PPP2R2B: variants seen among roughly 807,000 people sequenced by gnomAD.
PPP2R2B encodes the protein protein phosphatase 2 regulatory subunit Bbeta.
Under a neutral mutation model 46.0 loss-of-function variants are expected in PPP2R2B, and 5 were observed. That is an observed-to-expected ratio of 0.11 (90% confidence interval 0.06 to 0.23). PPP2R2B has a LOEUF of 0.23. Among genes scored for constraint, PPP2R2B ranks in the 10% least tolerant of loss-of-function variants. The pLI, the probability that PPP2R2B is intolerant of heterozygous loss-of-function variation, is 1.00. For synonymous variants in PPP2R2B, 215 were observed against 206.7 expected (o/e 1.04, Z -0.34); for missense variants, 367 against 575.0 (o/e 0.64, Z 3.70).
intron 2 of PPP2R2B, among the ~76,000 whole-genome samples, chr5:146,716,950 G>C (rs1197649048): frequency 2.0e-5 from 3 of 152,114 alleles, no homozygotes; most frequent in African/African-American, 7.2e-5. Context: ...TTCTTTAGTA[G>C]AAAGCATCTT....
intron 5 of PPP2R2B, among the ~76,000 whole-genome samples, chr5:146,660,971 T>C (rs1776631231): frequency 6.6e-6 from 1 of 152,162 alleles, no homozygotes; most frequent in African/African-American, 2.4e-5. Flanking sequence ...TACAAAGAGA[T>C]GTATATTGTT....
intron 1 of PPP2R2B, among the ~76,000 whole-genome samples, chr5:147,011,372 C>T (rs1474626729): frequency 6.6e-6 from 1 of 152,076 alleles, no homozygotes; most frequent in Non-Finnish European, 1.5e-5. Context: ...AATTATCACC[C>T]TTTAACATGT....
At chr5:146,804,058 T>G (rs1178132380) in intron 2 of PPP2R2B, among the ~76,000 whole-genome samples, 4 of 151,918 alleles carry the variant, frequency 2.6e-5, no homozygotes, top group Non-Finnish European at 5.9e-5. Flanking sequence ...TCCCAGCTAC[T>G]TGGGAGGCTG....
chr5:146,770,971 A>G (rs942480899), intron 2 of PPP2R2B, among the ~76,000 whole-genome samples: 2 of 152,194 alleles, frequency 1.3e-5, no homozygotes, highest in South Asian at 2.1e-4. Flanking sequence ...ATCAGAATTT[A>G]CCTATGCATG....
chr5:146,842,469 T>G (rs1194278262), intron 2 of PPP2R2B, among the ~76,000 whole-genome samples: 1 of 147,472 alleles, frequency 6.8e-6, no homozygotes, highest in Non-Finnish European at 1.5e-5. Flanking sequence ...TTCAAAAAAA[T>G]ACCTCCATGC....
chr5:146,724,261 G>T (rs113716354), intron 2 of PPP2R2B, among the ~76,000 whole-genome samples: 1 of 151,676 alleles, frequency 6.6e-6, no homozygotes, highest in Non-Finnish European at 1.5e-5. Flanking sequence ...CAGTGTATTC[G>T]ATGGCCATCC....
chr5:146,702,319 C>T (rs1483360562), intron 2 of PPP2R2B, among the ~76,000 whole-genome samples: 1 of 152,162 alleles, frequency 6.6e-6, no homozygotes, highest in African/African-American at 2.4e-5. Flanking sequence ...TATGAAAAGG[C>T]TCCTTATGGT....
At chr5:146,626,666 A>G (rs1469693478) in intron 7 of PPP2R2B, among the ~76,000 whole-genome samples, 1 of 152,106 alleles carries the variant, frequency 6.6e-6, no homozygotes, top group African/African-American at 2.4e-5. Context: ...ACGACAGGTA[A>G]GTTGGCCTAA....
intron 2 of PPP2R2B, among the ~76,000 whole-genome samples, chr5:146,717,825 C>G (rs1022158278): frequency 4.6e-5 from 7 of 152,100 alleles, no homozygotes; most frequent in Non-Finnish European, 1.0e-4. Flanking sequence ...TTTGGGGAAA[C>G]ATGCTTTGCC....
rs146948919 is a variant in PPP2R2B, at chr5:146,797,723, G to T, written c.70+80279C>A. Reference sequence around the variant, plus strand: ...CTCCAAATTAATGGGGGACTCCTGAGAACCTAATTTTAAAACATTATCTCC... The same window carrying T: ...CTCCAAATTAATGGGGGACTCCTGATAACCTAATTTTAAAACATTATCTCC... On this transcript the variant is annotated intron_variant, in intron 2 of 9. Coordinates refer to ENST00000394411, the MANE Select transcript of PPP2R2B (RefSeq NM_181675.4). Among the ~76,000 whole-genome samples the T allele has an allele frequency of 2.2e-3, 335 of 152,290 alleles. 2 individuals are homozygous for T. The South Asian group carries it at 0.033, about 15-fold the overall frequency.
intron 7 of PPP2R2B, among the ~76,000 whole-genome samples, chr5:146,618,527 C>A (rs1773406822): frequency 6.6e-6 from 1 of 152,250 alleles, no homozygotes; most frequent in African/African-American, 2.4e-5. Flanking sequence ...CTATCCTCCT[C>A]CGTTTGTCAA....
chr5:146,941,510 C>T (rs6884353), intron 1 of PPP2R2B, among the ~76,000 whole-genome samples: 37,347 of 151,916 alleles, frequency 0.25, 5,026 homozygotes, highest in East Asian at 0.46. Flanking sequence ...GCTTCTGTTG[C>T]TTAGGGGTGT....
chr5:146,935,646 G>A (rs1332151526), intron 1 of PPP2R2B, among the ~76,000 whole-genome samples: 1 of 152,116 alleles, frequency 6.6e-6, no homozygotes, highest in Non-Finnish European at 1.5e-5. Flanking sequence ...CTGAAAGTGT[G>A]AGCCAGGTAA....
At chr5:146,686,312 C>A (rs1339235353) in intron 5 of PPP2R2B, among the ~76,000 whole-genome samples, 3 of 152,184 alleles carry the variant, frequency 2.0e-5, no homozygotes, top group Non-Finnish European at 4.4e-5. Context: ...TAGACAGTGA[C>A]AAGAGCTAAG....
At chr5:146,793,752 G>A (rs1463337136) in intron 2 of PPP2R2B, among the ~76,000 whole-genome samples, 1 of 152,170 alleles carries the variant, frequency 6.6e-6, no homozygotes, top group East Asian at 1.9e-4. Context: ...TTTAGGGTTA[G>A]AAATAACGAG....
intron 1 of PPP2R2B, among the ~76,000 whole-genome samples, chr5:146,900,523 C>CTCCTT (rs1287649707): frequency 2.0e-5 from 3 of 148,792 alleles, no homozygotes; most frequent in Non-Finnish European, 4.4e-5. Context: ...CCCTTTCTTT[C>CTCCTT]TCCTTTCCTT....
chr5:147,031,837 A>G (rs1415628382), intron 1 of PPP2R2B, among the ~76,000 whole-genome samples: 1 of 152,222 alleles, frequency 6.6e-6, no homozygotes, highest in Non-Finnish European at 1.5e-5. Flanking sequence ...ATAATTGCCT[A>G]GCCACATGTA....
intron 1 of PPP2R2B, among the ~76,000 whole-genome samples, chr5:147,046,420 A>G (rs1408067275): frequency 6.6e-6 from 1 of 152,160 alleles, no homozygotes; most frequent in Non-Finnish European, 1.5e-5. Flanking sequence ...CTCTCAGCCC[A>G]TCTTTTCTCT....
intron 7 of PPP2R2B, among the ~76,000 whole-genome samples, chr5:146,619,710 A>T (rs536522206): frequency 4.6e-5 from 7 of 152,260 alleles, no homozygotes; most frequent in African/African-American, 1.4e-4. Flanking sequence ...TGCAGTGATG[A>T]TGGTGATGTC....
Sources: gnomAD v4.1 joint callset for allele counts (sites outside exome capture counted in the v4.1 genomes callset) on GRCh38, gnomAD v4.1.1 for gene constraint, MANE v1.5 for transcripts, NCBI Gene and HGNC (gene_info 2026-07-23, HGNC 2026-07-21) for gene names.